L3MBTL4: variants seen among roughly 807,000 people sequenced by gnomAD.
L3MBTL4 encodes L3MBTL histone methyl-lysine binding protein 4.
Under a neutral mutation model 84.5 loss-of-function variants are expected in L3MBTL4, and 70 were observed. The observed-to-expected ratio is 0.83, with a 90% CI of 0.68 to 1.01. The LOEUF (loss-of-function observed/expected upper bound fraction) is 1.01. Ranked by LOEUF, L3MBTL4 falls within the 50% of genes least tolerant of loss-of-function variation. The pLI is 0.00. For synonymous variants in L3MBTL4, 274 were observed against 259.8 expected (o/e 1.05, Z -0.52); for missense variants, 715 against 754.8 (o/e 0.95, Z 0.62).
At chr18:6,204,762 G>C (rs1599139601) in intron 12 of L3MBTL4, among the ~76,000 whole-genome samples, 1 of 152,162 alleles carries the variant, frequency 6.6e-6, no homozygotes, top group Admixed American at 6.5e-5. Context: ...CAGTACTTGA[G>C]GGTTTGTGCC....
intron 1 of L3MBTL4, among the ~76,000 whole-genome samples, chr18:6,351,049 A>T (rs1011455642): frequency 6.6e-6 from 1 of 152,150 alleles, no homozygotes; most frequent in African/African-American, 2.4e-5. Context: ...TTTAAAAATT[A>T]GCCAAGTGTG....
intron 14 of L3MBTL4, among the ~76,000 whole-genome samples, chr18:6,116,467 G>A (rs1006621386): frequency 4.6e-5 from 7 of 150,800 alleles, no homozygotes; most frequent in African/African-American, 1.5e-4. Context: ...GGGTTCAAGC[G>A]ATGCTCCTGC....
intron 16 of L3MBTL4, 49 bp downstream of exon 16, chr18:6,080,832 T>C: frequency 7.5e-7 from 1 of 1,330,234 alleles, no homozygotes; most frequent in East Asian, 2.3e-5. Context: ...TAAGACATTC[T>C]GCACAACAAA....
At chr18:6,312,751 T>G (rs1019264691) in intron 1 of L3MBTL4, among the ~76,000 whole-genome samples, 9 of 152,350 alleles carry the variant, frequency 5.9e-5, no homozygotes, top group Admixed American at 1.3e-4. Flanking sequence ...TCAGGTTTTG[T>G]TGATATTTAA....
Position 6,031,068 on chromosome 18 carries a change from A to G in L3MBTL4, c.1444+49813T>C. ...GACTGCTCCATAAAACACTTAATACATCCAATTATTAATTATAGGAAGCTG... is the reference window on the plus strand; with the variant it reads ...GACTGCTCCATAAAACACTTAATACGTCCAATTATTAATTATAGGAAGCTG... On this transcript the variant is annotated intron_variant, in intron 16 of 18. Coordinates refer to ENST00000317931, the MANE Select transcript of L3MBTL4 (RefSeq NM_001330559.2). The G allele has an allele frequency of 3.0e-6, 3 of 985,374 alleles. No individual in the cohort carries two copies. In the South Asian group the frequency reaches 1.4e-4, roughly 46 times the overall value. The allele number at this position is 985,374 out of a possible 1,614,324, so 61.0% of individuals were successfully genotyped here.
rs2043346560 is a variant in L3MBTL4, at chr18:6,161,717, T to C, written c.1096+10111A>G. On this transcript the variant is annotated intron_variant, in intron 13 of 18. Coordinates refer to ENST00000317931, the MANE Select transcript of L3MBTL4 (RefSeq NM_001330559.2). ...CTATTTCAGGCCCGGCGTGCTCATC[T>C]GAGCCCGGCTCAACACTGCCCCGAG... Among the ~76,000 whole-genome samples, 3 of 152,200 alleles carry C rather than the reference T, an allele frequency of 2.0e-5. 1 individual carries two copies. The South Asian group carries it at 6.2e-4, about 32-fold the overall frequency.
At chr18:6,098,994 G>T (rs757660054) in intron 14 of L3MBTL4, among the ~76,000 whole-genome samples, 15 of 152,170 alleles carry the variant, frequency 9.9e-5, no homozygotes, top group Middle Eastern at 3.2e-3. Context: ...GGCAGAGAAA[G>T]GGGCTCAGCG....
In L3MBTL4 at chr18:6,145,066, G is replaced by T. The variant is rs1024518858; in HGVS notation, c.1097-6770C>A. Among the ~76,000 whole-genome samples, 3 of 152,086 alleles carry T rather than the reference G, an allele frequency of 2.0e-5. No homozygotes were observed. The East Asian group carries it at 5.8e-4, about 29-fold the overall frequency. On this transcript the variant is annotated intron_variant, in intron 13 of 18. Coordinates refer to ENST00000317931, the MANE Select transcript of L3MBTL4 (RefSeq NM_001330559.2). ...TAGGATAAAACAGCAATTTTATTTT[G>T]ATTTTTCTTTTGTGAAATCAAGCAA...
At chr18:6,179,353 G>A (rs547355553) in intron 12 of L3MBTL4, among the ~76,000 whole-genome samples, 1 of 152,246 alleles carries the variant, frequency 6.6e-6, no homozygotes, top group African/African-American at 2.4e-5. Flanking sequence ...AGTTAACTAG[G>A]CTTAAGTTTC....
At position 6,243,398 on chromosome 18, in the gene L3MBTL4, T is replaced by C. The variant is rs1599308773; in HGVS notation, c.356A>G (p.Asp119Gly). The C allele has an allele frequency of 6.2e-7, 1 of 1,607,402 alleles. No homozygotes were observed. Among genetic ancestry groups the C allele is most frequent in the Non-Finnish European group, 8.5e-7 (1 of 1,177,120 alleles). ...AAAATCATAGCAACTTAAATAACCA[T>C]CAAAATGAAGTCTTAGACGGTAACC... is the stretch of plus-strand genomic sequence containing the variant. ...VCGYRLRLHFDGYLSCYDFWT... is the reference protein window; with the variant it reads ...VCGYRLRLHFGGYLSCYDFWT... The change falls in exon 7 of 19, where the codon GAT becomes GGT. Residue 119 changes from aspartate to glycine, a missense_variant. By Grantham distance (94) the Asp-to-Gly change is moderately conservative. Transcript: ENST00000317931.
chr18:6,241,986 C>T (rs138407273), intron 7 of L3MBTL4, among the ~76,000 whole-genome samples: 135 of 152,298 alleles, frequency 8.9e-4, no homozygotes, highest in African/African-American at 3.2e-3. Flanking sequence ...CTTTCTGCGC[C>T]GCATCTTTAC....
intron 4 of L3MBTL4, among the ~76,000 whole-genome samples, chr18:6,276,582 T>C (rs2049086600): frequency 6.6e-6 from 1 of 152,042 alleles, no homozygotes; most frequent in South Asian, 2.1e-4. Flanking sequence ...AGTCCTCATT[T>C]TTCATTCCAA....
At chr18:6,311,465 G>GA in intron 3 of L3MBTL4, 89 bp downstream of exon 3, 5 of 1,051,272 alleles carry the variant, frequency 4.8e-6, no homozygotes, top group Non-Finnish European at 7.4e-6. Flanking sequence ...AAAAGCCCCT[G>GA]AGTGTGGTTA....
chr18:6,409,320 A>G (rs918804190), intron 1 of L3MBTL4, among the ~76,000 whole-genome samples: 7 of 152,200 alleles, frequency 4.6e-5, no homozygotes, highest in Non-Finnish European at 1.5e-5. Flanking sequence ...AGGACCAAAT[A>G]CTATTTTTTA....
intron 1 of L3MBTL4, among the ~76,000 whole-genome samples, chr18:6,374,806 C>T (rs1264591898): frequency 6.6e-6 from 1 of 152,074 alleles, no homozygotes; most frequent in Non-Finnish European, 1.5e-5. Context: ...CTCAACACTG[C>T]CACTTCTATT....
chr18:6,254,861 T>G (rs544940767), intron 5 of L3MBTL4, among the ~76,000 whole-genome samples: 1 of 152,228 alleles, frequency 6.6e-6, no homozygotes, highest in African/African-American at 2.4e-5. Context: ...AATTACGGTC[T>G]CAGAAACAAA....
chr18:6,274,869 A>T (rs1242723101), intron 4 of L3MBTL4, among the ~76,000 whole-genome samples: 1 of 152,230 alleles, frequency 6.6e-6, no homozygotes, highest in Non-Finnish European at 1.5e-5. Flanking sequence ...GCAGAGAGCC[A>T]TCTGAATGAG....
At chr18:6,187,616 C>T (rs1057286185) in intron 12 of L3MBTL4, among the ~76,000 whole-genome samples, 1 of 152,136 alleles carries the variant, frequency 6.6e-6, no homozygotes, top group Admixed American at 6.5e-5. Flanking sequence ...CAGCTGACTG[C>T]AGAGCCTTCC....
In L3MBTL4 at chr18:6,241,349, A is replaced by AATACTTAC; in HGVS notation, c.552+1_552+8dup. On this transcript the variant is annotated intron_variant, in intron 8 of 18. Coordinates refer to ENST00000317931, the MANE Select transcript of L3MBTL4 (RefSeq NM_001330559.2). The stretch of plus-strand genomic sequence containing the variant: ...AAATTTGATTTATGCTGGGAAAGAA[A>AATACTTAC]ATACTTACAGGACTTCTGTTTCTGA... 1 of 1,501,604 alleles carries AATACTTAC rather than the reference A, an allele frequency of 6.7e-7. No homozygotes were observed. Among genetic ancestry groups the AATACTTAC allele is most frequent in the Non-Finnish European group, 9.2e-7 (1 of 1,087,106 alleles). 93.0% of individuals were successfully genotyped at this position (1,501,604 alleles called of 1,614,324 possible).
Sources: allele counts gnomAD v4.1 joint callset (sites outside exome capture counted in the v4.1 genomes callset), GRCh38; gene constraint gnomAD v4.1.1; transcripts MANE v1.5; gene names NCBI Gene and HGNC (gene_info 2026-07-23, HGNC 2026-07-21).